INTS7: variants seen among roughly 807,000 people sequenced by gnomAD.
The protein encoded by INTS7 is chromosome 1 open reading frame 73.
In INTS7, 46 loss-of-function variants were observed where a neutral mutation model predicts 109.2. The ratio of observed to expected loss-of-function variants is 0.42; its 90% confidence interval spans 0.33 to 0.54. The LOEUF (loss-of-function observed/expected upper bound fraction) is 0.54, where lower values mean the gene tolerates loss of function less well. Among genes scored for constraint, INTS7 ranks in the 20% least tolerant of loss-of-function variants. The probability of loss-of-function intolerance (pLI) is 0.07; values close to 1 mark genes in which losing one functional copy is unlikely to be tolerated. For synonymous variants in INTS7, 412 were observed against 402.9 expected (o/e 1.02, Z -0.27); for missense variants, 929 against 1,132.4 (o/e 0.82, Z 2.58).
intron 7 of INTS7, among the ~76,000 whole-genome samples, chr1:211,998,764 C>T (rs1558046261): frequency 6.6e-6 from 1 of 151,584 alleles, no homozygotes; most frequent in Non-Finnish European, 1.5e-5. Flanking sequence ...ATTTGTAAAA[C>T]ATACATCTGA....
rs1304500789 is a variant in INTS7, at chr1:211,941,988, A to C, written c.2725T>G (p.Ser909Ala). ...LGTHNITVES[S>A]VKDANGIVWK... is the part of the protein sequence containing the mutation. ...ACTATACCATTGGCATCTTTCACAGAAGATTCCACTGTAATGTTGTGTGTT... is the reference window on the plus strand; with the variant it reads ...ACTATACCATTGGCATCTTTCACAGCAGATTCCACTGTAATGTTGTGTGTT... Residue 909 changes from serine to alanine, a missense_variant, in exon 20 of 20, where the codon TCT becomes GCT. Coordinates refer to ENST00000366994, the MANE Select transcript of INTS7 (RefSeq NM_015434.4). 6.2e-7 allele frequency: 1 copy of C among 1,614,220 alleles called. No homozygotes were observed. Among genetic ancestry groups the C allele is most frequent in the Admixed American group, 1.7e-5 (1 of 60,028 alleles).
chr1:211,964,131 C>A (rs1663766087), intron 16 of INTS7, among the ~76,000 whole-genome samples: 1 of 152,136 alleles, frequency 6.6e-6, no homozygotes, highest in Non-Finnish European at 1.5e-5. Context: ...TGATAAACAA[C>A]TTCGGCAAAG....
intron 16 of INTS7, among the ~76,000 whole-genome samples, chr1:211,957,092 C>CT (rs1466499217): frequency 1.3e-5 from 2 of 152,184 alleles, no homozygotes; most frequent in African/African-American, 4.8e-5. Flanking sequence ...ACATTGGACA[C>CT]TGAAGGTCTT....
chr1:211,968,408 AAT>A (rs1664008785), intron 14 of INTS7, 103 bp downstream of exon 14: 33 of 910,246 alleles, frequency 3.6e-5, no homozygotes, highest in Non-Finnish European at 4.7e-5. Flanking sequence ...CATTTATGAT[AAT>A]GTCTGAGTCA....
intron 13 of INTS7, among the ~76,000 whole-genome samples, chr1:211,973,279 G>A (rs1369575604): frequency 1.3e-4 from 20 of 152,164 alleles, no homozygotes; most frequent in Admixed American, 1.3e-3. Context: ...CAGAAACTGT[G>A]AAATAATAAA....
intron 16 of INTS7, among the ~76,000 whole-genome samples, chr1:211,965,103 T>A (rs1327600392): frequency 6.6e-6 from 1 of 152,036 alleles, no homozygotes; most frequent in African/African-American, 2.4e-5. Flanking sequence ...TTGAATTATT[T>A]ACAAGAAAAA....
At chr1:212,002,104 C>T (rs899267975) in intron 7 of INTS7, among the ~76,000 whole-genome samples, 8 of 152,192 alleles carry the variant, frequency 5.3e-5, no homozygotes, top group African/African-American at 1.7e-4. Context: ...CTTGCCCATT[C>T]CAAGTAAATC....
intron 13 of INTS7, among the ~76,000 whole-genome samples, chr1:211,970,769 A>G (rs1664134912): frequency 6.6e-6 from 1 of 152,208 alleles, no homozygotes; most frequent in Non-Finnish European, 1.5e-5. Flanking sequence ...ACAAAGAGAA[A>G]AATGTATGGC....
intron 16 of INTS7, among the ~76,000 whole-genome samples, chr1:211,954,392 T>C (rs1306885985): frequency 1.3e-5 from 2 of 152,172 alleles, no homozygotes; most frequent in Non-Finnish European, 2.9e-5. Context: ...CAGAAGCTCT[T>C]TAGTTTAATT....
intron 19 of INTS7, 51 bp downstream of exon 19, chr1:211,944,733 A>C: frequency 7.0e-7 from 1 of 1,424,626 alleles, no homozygotes; most frequent in Non-Finnish European, 9.9e-7. Context: ...AACTTCCATC[A>C]ATGAGCTCAT....
rs1270553920 is a variant in INTS7 at position 211,946,006 on chromosome 1, T to G, written c.2415+601A>C. Among the ~76,000 whole-genome samples the G allele has an allele frequency of 6.6e-6, 1 of 152,188 alleles. No individual in the cohort carries two copies. The highest frequency in any genetic ancestry group is 1.9e-4 in the East Asian group (1 of 5,194). On this transcript the variant is annotated intron_variant, in intron 18 of 19. Transcript: ENST00000366994. This position sits in a 1 kb window ranked among gnomAD's most constrained non-coding sequence, Gnocchi z 4.3. ...AGCTCAAGATCCTTGCAGGCTACTG[T>G]GATAAATCACTAATTTATTCCTGGA...
chr1:211,946,096 A>G lies in INTS7; in HGVS notation c.2415+511T>C, dbSNP rs777448633. On this transcript the variant is annotated intron_variant, in intron 18 of 19. Transcript: ENST00000366994. The surrounding 1 kb of genome is among the most constrained non-coding windows in gnomAD (Gnocchi z 4.3). The stretch of plus-strand genomic sequence containing the variant: ...CTGTCTCATAGAATTTGGCACTGAC[A>G]ATTAAAAAGGGAGAGAGTTTAACTC... Among the ~76,000 whole-genome samples, 2 of 152,210 alleles carry G rather than the reference A, an allele frequency of 1.3e-5. No homozygotes were observed. The highest frequency in any genetic ancestry group is 2.9e-5 in the Non-Finnish European group (2 of 68,036).
At chr1:212,014,465 CAAAAAAAA>C (rs1165612101) in intron 4 of INTS7, among the ~76,000 whole-genome samples, 1 of 28,122 alleles carries the variant, frequency 3.6e-5, no homozygotes, top group Admixed American at 5.1e-4. Context: ...AACTCCATCT[CAAAAAAAA>C]AAAAAAAAAA....
rs959640779 is a variant in INTS7 at position 211,946,413 on chromosome 1, T to A, written c.2415+194A>T. On this transcript the variant is annotated intron_variant, in intron 18 of 19. Transcript: ENST00000366994. This position sits in a 1 kb window ranked among gnomAD's most constrained non-coding sequence, Gnocchi z 4.3. ...CAGGAGAATCGCTTGAACCCGGAGG[T>A]TGCGGTGAGCCAAAATCACACCACT... 6.6e-6 allele frequency among the ~76,000 whole-genome samples: 1 copy of A among 151,804 alleles called. No individual in the cohort carries two copies. The highest frequency in any genetic ancestry group is 2.4e-5 in the African/African-American group (1 of 41,312).
chr1:211,999,407 C>CA (rs1378099057), intron 7 of INTS7, among the ~76,000 whole-genome samples: 1 of 152,100 alleles, frequency 6.6e-6, no homozygotes. Context: ...CCTGGAAAGG[C>CA]AAAATCACAG....
intron 1 of INTS7, 48 bp from the exon 2 acceptor site, chr1:212,021,260 G>C: frequency 6.5e-7 from 1 of 1,540,884 alleles, no homozygotes; most frequent in Non-Finnish European, 8.8e-7. Context: ...TTGCATATTT[G>C]TGGCTACAAA....
intron 1 of INTS7, among the ~76,000 whole-genome samples, chr1:212,022,957 T>C (rs1489355079): frequency 6.6e-6 from 1 of 152,150 alleles, no homozygotes; most frequent in Non-Finnish European, 1.5e-5. Flanking sequence ...TTTATGTCCA[T>C]GTGTACCCAA....
intron 1 of INTS7, among the ~76,000 whole-genome samples, chr1:212,029,989 G>A (rs979361724): frequency 1.3e-5 from 2 of 152,202 alleles, no homozygotes; most frequent in Non-Finnish European, 2.9e-5. Flanking sequence ...GAAAATGTCT[G>A]TAAACGTACA....
In INTS7 at chr1:211,978,262, G is replaced by A. The variant is rs764364484; in HGVS notation, c.1470+10C>T. The A allele has an allele frequency of 2.5e-6, 4 of 1,613,688 alleles. No homozygotes were observed. The African/African-American group carries it at 4.0e-5, about 16-fold the overall frequency. The stretch of plus-strand genomic sequence containing the variant: ...AGTCATTCAAAGGAGATTCAAAATG[G>A]GCTTTTTACCAGAAGTTCTTGTTGC... On this transcript the variant is annotated intron_variant, in intron 11 of 19. Transcript: ENST00000366994.
Sources: allele counts gnomAD v4.1 joint callset (sites outside exome capture counted in the v4.1 genomes callset), GRCh38; gene constraint gnomAD v4.1.1; non-coding constraint Gnocchi (gnomAD v3.1); transcripts MANE v1.5; gene names NCBI Gene and HGNC (gene_info 2026-07-23, HGNC 2026-07-21).